Variants in EPHA6 observed in about 807,000 individuals in gnomAD.
The protein encoded by EPHA6 is ephrin type-A receptor 6.
Under a neutral mutation model 112.0 loss-of-function variants are expected in EPHA6, and 50 were observed. The ratio of observed to expected loss-of-function variants is 0.45; its 90% CI spans 0.36 to 0.56. The LOEUF (loss-of-function observed/expected upper bound fraction) is 0.56. Ranked by LOEUF, EPHA6 falls within the 20% of genes least tolerant of loss-of-function variation. The pLI is 0.00. For synonymous variants in EPHA6, 529 were observed against 490.7 expected, an observed-to-expected ratio of 1.08 and a Z score of -1.03; for missense variants, 1,280 against 1,417.4, an observed-to-expected ratio of 0.90 and a Z score of 1.56.
intron 2 of EPHA6, among the ~76,000 whole-genome samples, chr3:96,983,193 G>A (rs2042878505): frequency 6.6e-6 from 1 of 152,136 alleles, no homozygotes. Context: ...GCTGGTACCG[G>A]TTGTTCCTTT....
intron 3 of EPHA6, among the ~76,000 whole-genome samples, chr3:97,203,301 G>A (rs545186486): frequency 1.3e-4 from 20 of 152,210 alleles, no homozygotes; most frequent in Admixed American, 9.8e-4. Context: ...TTGGATATTA[G>A]CAGTGGAGAT....
At chr3:96,991,453 T>G (rs1008526199) in intron 3 of EPHA6, among the ~76,000 whole-genome samples, 3 of 152,160 alleles carry the variant, frequency 2.0e-5, no homozygotes, top group Non-Finnish European at 4.4e-5. Flanking sequence ...TGGCCTCTCA[T>G]CATTTAGTAT....
chr3:97,651,915 C>T (rs762543231), intron 14 of EPHA6, among the ~76,000 whole-genome samples: 5 of 151,774 alleles, frequency 3.3e-5, no homozygotes, highest in South Asian at 2.1e-4. Flanking sequence ...TTGTGTGTCA[C>T]TAGTGTCACT....
chr3:96,940,739 G>T (rs1289546365), intron 2 of EPHA6, among the ~76,000 whole-genome samples: 1 of 152,144 alleles, frequency 6.6e-6, no homozygotes, highest in Non-Finnish European at 1.5e-5. Flanking sequence ...GCTGGTACCG[G>T]TTGTTCCTTT....
At chr3:97,045,892 TAAG>T (rs1355725240) in intron 3 of EPHA6, among the ~76,000 whole-genome samples, 5 of 151,992 alleles carry the variant, frequency 3.3e-5, no homozygotes, top group Non-Finnish European at 7.4e-5. Context: ...CACAATATAA[TAAG>T]AAGCAAAGTA....
At chr3:97,199,831 G>T (rs1371422466) in intron 3 of EPHA6, among the ~76,000 whole-genome samples, 1 of 152,110 alleles carries the variant, frequency 6.6e-6, no homozygotes, top group Non-Finnish European at 1.5e-5. Flanking sequence ...ATCAGATATT[G>T]TCTTTGACCT....
In EPHA6 at chr3:97,220,961, T is replaced by G. The variant is rs866602824; in HGVS notation, c.1115-5303T>G. Reference sequence around the variant, plus strand: ...GAGATGAATGCACTATTCCAAAAGATGTAGTGATTTAAATAATAAATCTTT... The same window carrying G: ...GAGATGAATGCACTATTCCAAAAGAGGTAGTGATTTAAATAATAAATCTTT... On this transcript the variant is annotated intron_variant, in intron 3 of 17. Transcript: ENST00000389672. Among the ~76,000 whole-genome samples, 2 of 151,900 alleles carry G rather than the reference T, an allele frequency of 1.3e-5. 1 individual carries two copies. The highest frequency in any genetic ancestry group is 1.3e-4 in the Admixed American group (2 of 15,272).
chr3:97,321,905 T>C (rs925624760), intron 5 of EPHA6, among the ~76,000 whole-genome samples: 12 of 152,028 alleles, frequency 7.9e-5, no homozygotes, highest in Admixed American at 7.9e-4. Flanking sequence ...AGCTCTTTAT[T>C]CAAATGTTAT....
intron 5 of EPHA6, among the ~76,000 whole-genome samples, chr3:97,290,593 T>G (rs2108684469): frequency 6.6e-6 from 1 of 152,310 alleles, no homozygotes; most frequent in Admixed American, 6.5e-5. Context: ...TTTCTATTTC[T>G]TTCTAATTCA....
At chr3:97,258,265 C>T (rs915456450) in intron 5 of EPHA6, among the ~76,000 whole-genome samples, 1 of 151,940 alleles carries the variant, frequency 6.6e-6, no homozygotes, top group African/African-American at 2.4e-5. Flanking sequence ...CACACACACA[C>T]ACACACACAT....
chr3:97,047,035 C>A (rs1283878024), intron 3 of EPHA6, among the ~76,000 whole-genome samples: 37 of 151,904 alleles, frequency 2.4e-4, no homozygotes, highest in Admixed American at 2.3e-3. Context: ...ATAGTATATT[C>A]TTTTAAATAT....
chr3:97,736,511 G>A (rs932669739), intron 16 of EPHA6, among the ~76,000 whole-genome samples: 1 of 149,912 alleles, frequency 6.7e-6, no homozygotes, highest in African/African-American at 2.5e-5. Context: ...GTGTGTGTGT[G>A]CAGCCCCTTT....
In EPHA6 at chr3:97,273,294, C is replaced by T. The variant is rs1576818261; in HGVS notation, c.1606+29007C>T. On this transcript the variant is annotated intron_variant, in intron 5 of 17. Transcript: ENST00000389672. The stretch of plus-strand genomic sequence containing the variant: ...GTTAAGAGTGGCAGTTTGGGGATGG[C>T]ACCAGGAGATATCAGCTGTGATGGC... Among the ~76,000 whole-genome samples the T allele has an allele frequency of 7.9e-5, 12 of 152,276 alleles. 1 individual carries two copies. The South Asian group carries it at 2.5e-3, about 32-fold the overall frequency.
intron 14 of EPHA6, among the ~76,000 whole-genome samples, chr3:97,714,111 G>T (rs2034108149): frequency 6.6e-6 from 1 of 152,206 alleles, no homozygotes; most frequent in African/African-American, 2.4e-5. Flanking sequence ...CTAAGCCTGG[G>T]CATGGTAGGG....
chr3:97,467,406 G>A (rs992874315), intron 7 of EPHA6, among the ~76,000 whole-genome samples: 4 of 151,528 alleles, frequency 2.6e-5, no homozygotes, highest in Non-Finnish European at 5.9e-5. Flanking sequence ...TCATTACAAA[G>A]CTCTTTATCT....
chr3:97,629,703 G>A (rs967644952), intron 13 of EPHA6, among the ~76,000 whole-genome samples: 1 of 151,828 alleles, frequency 6.6e-6, no homozygotes, highest in Non-Finnish European at 1.5e-5. Flanking sequence ...TGGATTTACA[G>A]AACTGAATAT....
At chr3:97,195,531 A>G (rs544999314) in intron 3 of EPHA6, among the ~76,000 whole-genome samples, 49 of 152,156 alleles carry the variant, frequency 3.2e-4, no homozygotes, top group Non-Finnish European at 4.6e-4. Context: ...TATACATCAC[A>G]GTTACAGTGT....
intron 14 of EPHA6, among the ~76,000 whole-genome samples, chr3:97,708,890 A>C (rs2033817366): frequency 6.6e-6 from 1 of 152,180 alleles, no homozygotes; most frequent in Admixed American, 6.5e-5. Context: ...TTGGGCCTGC[A>C]GGTGTGCAGA....
chr3:97,415,908 T>C (rs2088084952), intron 6 of EPHA6, among the ~76,000 whole-genome samples: 1 of 151,958 alleles, frequency 6.6e-6, no homozygotes, highest in Non-Finnish European at 1.5e-5. Flanking sequence ...GCACTTGAAT[T>C]TTTTTTTACT....
Sources: allele counts gnomAD v4.1 joint callset (sites outside exome capture counted in the v4.1 genomes callset), GRCh38; gene constraint gnomAD v4.1.1; transcripts MANE v1.5; gene names NCBI Gene and HGNC (gene_info 2026-07-23, HGNC 2026-07-21).